Variants in DLST observed in about 807,000 individuals in gnomAD.
The protein encoded by DLST is dihydrolipoyllysine-residue succinyltransferase component of 2-oxoglutarate dehydrogenase complex, mitochondrial.
Under a neutral mutation model 53.1 loss-of-function variants are expected in DLST, and 17 were observed. That is an observed-to-expected ratio of 0.32 (90% CI 0.22 to 0.48). The LOEUF (loss-of-function observed/expected upper bound fraction) is 0.48, where lower values mean the gene tolerates loss of function less well. Ranked by LOEUF, DLST falls within the 20% of genes least tolerant of loss-of-function variation. The pLI, the probability that DLST is intolerant of heterozygous loss-of-function variation, is 0.99. For synonymous variants in DLST, 206 were observed against 204.8 expected, an observed-to-expected ratio of 1.01 and a Z score of -0.05; for missense variants, 512 against 583.9, an observed-to-expected ratio of 0.88 and a Z score of 1.27.
In DLST at chr14:74,902,526, C is replaced by T. The variant is rs1157010935; in HGVS notation, c.*196C>T. Reference sequence around the variant, plus strand: ...TCCTGCCAGGCTCTCCCTCTCTGCACCTGTCTCATAGCCTCGAATATCTTA... The same window carrying T: ...TCCTGCCAGGCTCTCCCTCTCTGCATCTGTCTCATAGCCTCGAATATCTTA... On this transcript the variant is annotated 3_prime_UTR_variant, in exon 15 of 15. Transcript: ENST00000334220. 2 of 521,066 alleles carry T rather than the reference C, an allele frequency of 3.8e-6. No individual in the cohort carries two copies. Among genetic ancestry groups the T allele is most frequent in the African/African-American group, 3.8e-5 (2 of 52,418 alleles). The allele number at this position is 521,066 out of a possible 1,614,324, so 32.3% of individuals were successfully genotyped here. A position where few individuals can be genotyped will look rare whatever the true frequency, so the allele number is the denominator to read the frequency against.
At chr14:74,898,784 G>C (rs1347781812) in intron 11 of DLST, among the ~76,000 whole-genome samples, 1 of 152,162 alleles carries the variant, frequency 6.6e-6, no homozygotes, top group South Asian at 2.1e-4. Context: ...GCTGTCTCCT[G>C]TCAAGGTGGA....
chr14:74,888,267 T>A (rs1883775283), intron 3 of DLST, among the ~76,000 whole-genome samples: 2 of 142,438 alleles, frequency 1.4e-5, no homozygotes, highest in African/African-American at 2.7e-5. Context: ...GGTTTTTTTG[T>A]TTTTGGGTTT....
rs144690678 is a variant in DLST, at chr14:74,888,317, G to A, written c.147-778G>A. Among the ~76,000 whole-genome samples the A allele has an allele frequency of 3.0e-3, 423 of 142,114 alleles. 4 individuals are homozygous for A. The highest frequency in any genetic ancestry group is 0.011 in the African/African-American group (411 of 38,018). 93.2% of individuals were successfully genotyped at this position (142,114 alleles called of 152,430 possible). ...TGGCATAACACCTTGTTTTACTTCC[G>A]AGTTAACCTTGTTAATCTTGCTGCC... On this transcript the variant is annotated intron_variant, in intron 3 of 14. Transcript: ENST00000334220.
intron 2 of DLST, among the ~76,000 whole-genome samples, chr14:74,882,990 G>T (rs1428549441): frequency 6.6e-6 from 1 of 152,198 alleles, no homozygotes; most frequent in Non-Finnish European, 1.5e-5. Flanking sequence ...TTTTTGAGGA[G>T]GTGACTTAAA....
chr14:74,900,131 C>G lies in DLST; in HGVS notation c.975+135C>G. On this transcript the variant is annotated intron_variant, in intron 12 of 14. Coordinates refer to ENST00000334220, the MANE Select transcript of DLST (RefSeq NM_001933.5). Reference sequence around the variant, plus strand: ...AGTTAGTAAAAGTAACCTTTTTTTTCTTTTAAACCATGCCGCATTCTTTTA... The same window carrying G: ...AGTTAGTAAAAGTAACCTTTTTTTTGTTTTAAACCATGCCGCATTCTTTTA... The G allele has an allele frequency of 2.8e-6, 3 of 1,078,302 alleles. No individual in the cohort carries two copies. In the South Asian group the frequency reaches 4.1e-5, roughly 15 times the overall value. 66.8% of individuals were successfully genotyped at this position (1,078,302 alleles called of 1,614,324 possible).
intron 10 of DLST, among the ~76,000 whole-genome samples, chr14:74,895,097 C>T (rs1387632488): frequency 2.0e-5 from 3 of 152,078 alleles, no homozygotes; most frequent in African/African-American, 4.8e-5. Flanking sequence ...TGTGGTGGTG[C>T]ACATCTGTAG....
intron 7 of DLST, chr14:74,891,492 C>T: frequency 9.9e-7 from 1 of 1,005,516 alleles, no homozygotes; most frequent in African/African-American, 1.7e-5. Context: ...TGCTCCAAAA[C>T]TGAAAATCCA....
intron 13 of DLST, 76 bp from the exon 14 acceptor site, chr14:74,900,990 C>G: frequency 1.3e-6 from 2 of 1,529,512 alleles, no homozygotes; most frequent in Non-Finnish European, 1.8e-6. Flanking sequence ...CCTCCCAAAG[C>G]GCTGGGATTA....
intron 10 of DLST, among the ~76,000 whole-genome samples, chr14:74,897,487 GA>G (rs879783471): frequency 2.6e-5 from 4 of 151,824 alleles, no homozygotes; most frequent in African/African-American, 7.3e-5. Flanking sequence ...ATGTGTCATT[GA>G]AAAAAAACCA....
chr14:74,900,581 A>G (rs927274982), intron 13 of DLST, among the ~76,000 whole-genome samples: 1 of 152,218 alleles, frequency 6.6e-6, no homozygotes, highest in East Asian at 1.9e-4. Flanking sequence ...ACCTGCTAGA[A>G]AAGATCATCT....
rs987451544 is a variant in DLST at position 74,881,975 on chromosome 14, G to A, written c.22G>A (p.Val8Met). 6.4e-6 allele frequency: 10 copies of A among 1,571,598 alleles called. No homozygotes were observed. Among genetic ancestry groups the A allele is most frequent in the Non-Finnish European group, 8.6e-6 (10 of 1,166,826 alleles). The change falls in exon 1 of 15, where the codon GTG (valine) becomes ATG (methionine). Residue 8 changes from valine to methionine, a missense_variant. Val to Met is a conservative substitution (Grantham distance 21, BLOSUM62 1). Coordinates refer to ENST00000334220, the MANE Select transcript of DLST (RefSeq NM_001933.5). ...CGTGATGCTGTCCCGATCCCGCTGT[G>A]TGTCTCGGGCGTTCAGCCGCTCGCT... MLSRSRC[V>M]SRAFSRSLSA...
chr14:74,891,241 T>C (rs1342306051), intron 7 of DLST, 74 bp downstream of exon 7: 1 of 1,599,004 alleles, frequency 6.3e-7, no homozygotes, highest in Admixed American at 1.7e-5. Context: ...AATGTGCTAA[T>C]TCCCCGATAT....
At chr14:74,884,895 T>TA (rs1422113191) in intron 2 of DLST, among the ~76,000 whole-genome samples, 2 of 152,140 alleles carry the variant, frequency 1.3e-5, no homozygotes, top group African/African-American at 4.8e-5. Flanking sequence ...CAGCTGTAGT[T>TA]ACTAGTCATC....
intron 3 of DLST, 60 bp downstream of exon 3, chr14:74,885,694 GT>G: frequency 3.3e-6 from 5 of 1,503,218 alleles, no homozygotes; most frequent in Non-Finnish European, 4.5e-6. Context: ...AAGACATAAA[GT>G]TCTAAATTTG....
In DLST at chr14:74,891,704, T is replaced by C. The variant is rs1245260163; in HGVS notation, c.442+537T>C. The C allele has an allele frequency of 1.7e-5, 17 of 984,958 alleles. 1 individual carries two copies. The South Asian group carries it at 6.6e-4, about 38-fold the overall frequency. 61.0% of individuals were successfully genotyped at this position (984,958 alleles called of 1,614,324 possible). A position where few individuals can be genotyped will look rare whatever the true frequency, so the allele number is the denominator to read the frequency against. On this transcript the variant is annotated intron_variant, in intron 7 of 14. Transcript: ENST00000334220. ...AGGATTAGAGATTAATAACTTTATC[T>C]GACTCTTAGTTAAATTTTATAACCA...
At chr14:74,901,468 C>T (rs1339996935) in intron 14 of DLST, among the ~76,000 whole-genome samples, 1 of 152,158 alleles carries the variant, frequency 6.6e-6, no homozygotes, top group East Asian at 1.9e-4. Flanking sequence ...TGCAGATGAT[C>T]CTGATGCATA....
intron 8 of DLST, 72 bp downstream of exon 8, chr14:74,893,058 T>C: frequency 1.4e-6 from 2 of 1,461,272 alleles, no homozygotes; most frequent in Non-Finnish European, 1.8e-6. Context: ...GGGTAAACTC[T>C]AGACTGATGA....
At chr14:74,898,304 G>C in intron 10 of DLST, 65 bp from the exon 11 acceptor site, 1 of 1,579,860 alleles carries the variant, frequency 6.3e-7, no homozygotes, top group Non-Finnish European at 8.6e-7. Context: ...TATATGGATT[G>C]AGAAACCTGT....
chr14:74,901,816 A>G (rs930801336), intron 14 of DLST, among the ~76,000 whole-genome samples: 5 of 151,436 alleles, frequency 3.3e-5, no homozygotes, highest in Non-Finnish European at 7.4e-5. Flanking sequence ...CTACACATAC[A>G]ATTCCAGAAT....
Sources: gnomAD v4.1 joint callset for allele counts (sites outside exome capture counted in the v4.1 genomes callset) on GRCh38, gnomAD v4.1.1 for gene constraint, MANE v1.5 for transcripts, NCBI Gene and HGNC (gene_info 2026-07-23, HGNC 2026-07-21) for gene names.